NCSTN: variants seen among roughly 807,000 people sequenced by gnomAD.
NCSTN encodes the protein anterior pharynx-defective 2.
A neutral mutation model predicts 87.0 loss-of-function variants in NCSTN; 22 were observed. The ratio of observed to expected loss-of-function variants is 0.25; its 90% CI spans 0.18 to 0.36. The LOEUF (loss-of-function observed/expected upper bound fraction) is 0.36. Ranked by LOEUF, NCSTN falls within the 10% of genes least tolerant of loss-of-function variation. The probability of loss-of-function intolerance (pLI) is 1.00; values close to 1 mark genes in which losing one functional copy is unlikely to be tolerated. For synonymous variants in NCSTN, 306 were observed against 327.1 expected, an observed-to-expected ratio of 0.94 and a Z score of 0.69; for missense variants, 693 against 883.3, an observed-to-expected ratio of 0.78 and a Z score of 2.73.
chr1:160,348,758 G>A (rs1648663711), intron 2 of NCSTN, among the ~76,000 whole-genome samples: 2 of 152,198 alleles, frequency 1.3e-5, no homozygotes, highest in African/African-American at 4.8e-5. Context: ...GCAAAAAAAT[G>A]AAGTTCACAG....
chr1:160,349,914 G>C (rs1246274813), intron 4 of NCSTN, among the ~76,000 whole-genome samples, 191 bp from the exon 5 acceptor site: 2 of 152,118 alleles, frequency 1.3e-5, no homozygotes, highest in Non-Finnish European at 2.9e-5. Flanking sequence ...TAATCTTACA[G>C]CCTAAGACTC....
chr1:160,358,208 C>CTT lies in NCSTN; in HGVS notation c.2067_2068insTT (p.Ile690LeufsTer47). ...TCTTCTCCCTCATCGTCACCTACTG[C>CTT]ATCAATGCCAAAGCTGATGTCCTTT... is the stretch of plus-strand genomic sequence containing the variant. On this transcript the variant is annotated frameshift_variant, in exon 17 of 17. Coordinates refer to ENST00000294785, the MANE Select transcript of NCSTN (RefSeq NM_015331.3). LOFTEE classifies it high-confidence loss of function. The CTT allele has an allele frequency of 6.2e-7, 1 of 1,614,154 alleles. No individual in the cohort carries two copies. Among genetic ancestry groups the CTT allele is most frequent in the South Asian group, 1.1e-5 (1 of 91,078 alleles).
chr1:160,349,713 G>C, intron 4 of NCSTN, 43 bp downstream of exon 4: 2 of 1,610,184 alleles, frequency 1.2e-6, no homozygotes, highest in Non-Finnish European at 1.7e-6. Context: ...GTCACCTAAG[G>C]CTCACTGTTG....
chr1:160,345,954 A>G (rs1648464713), intron 2 of NCSTN, among the ~76,000 whole-genome samples: 1 of 151,572 alleles, frequency 6.6e-6, no homozygotes, highest in Admixed American at 6.6e-5. Context: ...AAAAAAAAAA[A>G]AAAAAAAGAA....
intron 10 of NCSTN, chr1:160,353,480 TA>T (rs1426288646): frequency 7.1e-7 from 1 of 1,400,944 alleles, no homozygotes; most frequent in Non-Finnish European, 9.3e-7. Context: ...CCTAGCAGAC[TA>T]CCACTGCCCA....
chr1:160,354,186 A>G lies in NCSTN; in HGVS notation c.1248A>G (p.Pro416=), dbSNP rs762376472. The change falls in exon 11 of 17, where the codon CCA becomes CCG. Residue 416 remains proline (P), a synonymous_variant. Transcript: ENST00000294785. The stretch of plus-strand genomic sequence containing the variant: ...TCCCTGCTGTCATCCTCAGGAGGCC[A>G]AATCAGTCCCAGCCTCTCCCACCAT... ...AGVPAVILRR[P]NQSQPLPPSS... 9 of 1,614,004 alleles carry G rather than the reference A, an allele frequency of 5.6e-6. No individual in the cohort carries two copies. In the African/African-American group the frequency reaches 1.1e-4, roughly 19 times the overall value.
Position 160,350,069 on chromosome 1 carries a change from G to C in NCSTN, c.437-36G>C, listed in dbSNP as rs200978200. 2.5e-6 allele frequency: 4 copies of C among 1,611,156 alleles called. No homozygotes were observed. The South Asian group carries it at 4.4e-5, about 18-fold the overall frequency. On this transcript the variant is annotated intron_variant, in intron 4 of 16. Transcript: ENST00000294785. ...TGGTTCCTAAGTACTTGGTGTCCCA[G>C]TAACCAGTCCCCCTATTCCCCATCC...
intron 13 of NCSTN, 134 bp downstream of exon 13, chr1:160,356,092 A>G: frequency 9.5e-7 from 1 of 1,054,722 alleles, no homozygotes; most frequent in Admixed American, 2.0e-5. Context: ...TGCCCCAGAG[A>G]GCTCTTGGGT....
intron 2 of NCSTN, among the ~76,000 whole-genome samples, chr1:160,347,669 G>A (rs1400159985): frequency 6.6e-6 from 1 of 152,154 alleles, no homozygotes; most frequent in Non-Finnish European, 1.5e-5. Flanking sequence ...GAGTGCTGTG[G>A]CACAATCTCA....
intron 11 of NCSTN, among the ~76,000 whole-genome samples, chr1:160,354,778 T>TATAGGA (rs1378499653): frequency 1.3e-5 from 2 of 152,192 alleles, no homozygotes; most frequent in Non-Finnish European, 2.9e-5. Context: ...CTCCTATAGC[T>TATAGGA]GATGGGGCTC....
intron 2 of NCSTN, chr1:160,345,140 C>G (rs1648396780): frequency 2.3e-6 from 1 of 436,014 alleles, no homozygotes; most frequent in African/African-American, 2.0e-5. Context: ...TTCCCAAGAT[C>G]ATACTGGTAA....
chr1:160,351,118 G>A, intron 5 of NCSTN, 104 bp from the exon 6 acceptor site: 1 of 1,177,922 alleles, frequency 8.5e-7, no homozygotes, highest in South Asian at 1.2e-5. Context: ...CGAAAAGGGT[G>A]TGGCTCCATC....
Position 160,343,468 on chromosome 1 carries a change from C to T in NCSTN, c.72C>T (p.Cys24=). The T allele has an allele frequency of 1.2e-6, 2 of 1,610,104 alleles. No homozygotes were observed. Among genetic ancestry groups the T allele is most frequent in the Non-Finnish European group, 1.7e-6 (2 of 1,178,710 alleles). The change falls in exon 1 of 17, where the codon TGC becomes TGT. Residue 24 remains cysteine (C), a synonymous_variant. Transcript: ENST00000294785. ...SRGLLRLLSF[C]VLLAGLCRGN... Reference sequence around the variant, plus strand: ...GTCTCCTTCGCCTTCTGTCTTTCTGCGTCCTACTAGCAGGTGAGGCCTCCC... The same window carrying T: ...GTCTCCTTCGCCTTCTGTCTTTCTGTGTCCTACTAGCAGGTGAGGCCTCCC...
chr1:160,351,651 T>G, intron 6 of NCSTN, 45 bp from the exon 7 acceptor site: 1 of 1,500,004 alleles, frequency 6.7e-7, no homozygotes. Flanking sequence ...ATAGCTACCT[T>G]CTCCTTTAGC....
chr1:160,348,924 A>T (rs997160152), intron 2 of NCSTN, 75 bp from the exon 3 acceptor site: 2 of 1,596,128 alleles, frequency 1.3e-6, no homozygotes, highest in African/African-American at 2.7e-5. Context: ...GGGATAAAAG[A>T]TACGCAGAAT....
intron 2 of NCSTN, among the ~76,000 whole-genome samples, chr1:160,346,645 G>A (rs1455308130): frequency 4.0e-5 from 6 of 149,568 alleles, no homozygotes; most frequent in East Asian, 2.0e-4. Flanking sequence ...TCGCCCTCTC[G>A]CCCAGGCTGG....
intron 12 of NCSTN, 35 bp from the exon 13 acceptor site, chr1:160,355,828 G>T (rs776436040): frequency 6.2e-7 from 1 of 1,604,128 alleles, no homozygotes; most frequent in African/African-American, 1.3e-5. Flanking sequence ...GGATAGGAGA[G>T]GTGGGCCATT....
intron 16 of NCSTN, 34 bp from the exon 17 acceptor site, chr1:160,358,115 C>T (rs780567466): frequency 1.7e-5 from 27 of 1,614,100 alleles, no homozygotes; most frequent in Non-Finnish European, 2.2e-5. Context: ...TCTGAGAATG[C>T]CTTTGTCCTT....
intron 2 of NCSTN, 28 bp from the exon 3 acceptor site, chr1:160,348,970 CT>C (rs755055906): frequency 1.2e-6 from 2 of 1,614,070 alleles, no homozygotes; most frequent in Admixed American, 3.3e-5. Context: ...ACTATGGGAG[CT>C]TTAATTTGAC....
Sources: gnomAD v4.1 joint callset for allele counts (sites outside exome capture counted in the v4.1 genomes callset) on GRCh38, gnomAD v4.1.1 for gene constraint, MANE v1.5 for transcripts, NCBI Gene and HGNC (gene_info 2026-07-23, HGNC 2026-07-21) for gene names.